CSMD1: variants seen among roughly 807,000 people sequenced by gnomAD.
CSMD1 encodes CUB and sushi domain-containing protein 1.
CSMD1 carries 213 observed loss-of-function variants against 417.5 expected under a neutral mutation model. The observed-to-expected ratio is 0.51, with a 90% CI of 0.46 to 0.57. The LOEUF (loss-of-function observed/expected upper bound fraction) is 0.57. CSMD1 is among the 20% of genes least tolerant of loss of function. The probability of loss-of-function intolerance (pLI) is 0.00; values close to 1 mark genes in which losing one functional copy is unlikely to be tolerated. For missense variants in CSMD1, 6,923 were observed against 4,529.7 expected (o/e 1.53, Z -15.17); for synonymous variants, 2,862 against 1,736.8 (o/e 1.65, Z -16.11).
At chr8:4,817,791 C>A (rs1159953664) in intron 1 of CSMD1, among the ~76,000 whole-genome samples, 1 of 152,102 alleles carries the variant, frequency 6.6e-6, no homozygotes, top group Non-Finnish European at 1.5e-5. Context: ...AGAAATACAC[C>A]ATCATGAGTG....
intron 1 of CSMD1, among the ~76,000 whole-genome samples, chr8:4,870,288 A>G (rs1394969663): frequency 1.3e-5 from 2 of 152,148 alleles, no homozygotes; most frequent in Non-Finnish European, 2.9e-5. Flanking sequence ...ATATATGGGT[A>G]AAAATTGGAA....
At chr8:3,790,444 A>T (rs1799673443) in intron 5 of CSMD1, among the ~76,000 whole-genome samples, 1 of 152,160 alleles carries the variant, frequency 6.6e-6, no homozygotes, top group Admixed American at 6.5e-5. Context: ...GATGGTGATG[A>T]TGACACGGTT....
At chr8:4,184,125 A>C (rs1251391703) in intron 3 of CSMD1, among the ~76,000 whole-genome samples, 2 of 152,224 alleles carry the variant, frequency 1.3e-5, no homozygotes, top group African/African-American at 4.8e-5. Flanking sequence ...AATTTCTAAA[A>C]CTTCATTAAA....
chr8:4,285,838 A>G (rs17335008), intron 3 of CSMD1, among the ~76,000 whole-genome samples: 17,295 of 152,222 alleles, frequency 0.11, 1,257 homozygotes, highest in Non-Finnish European at 0.16. Flanking sequence ...GTCCTTGGCT[A>G]TTTTAATCAG....
At chr8:3,986,174 C>T (rs1179848058) in intron 5 of CSMD1, among the ~76,000 whole-genome samples, 2 of 152,046 alleles carry the variant, frequency 1.3e-5, no homozygotes, top group African/African-American at 4.8e-5. Flanking sequence ...TCCAAAGAGC[C>T]CTTTTATTTT....
chr8:3,649,616 A>G (rs1329422284), intron 7 of CSMD1, among the ~76,000 whole-genome samples: 1 of 148,106 alleles, frequency 6.8e-6, no homozygotes, highest in Non-Finnish European at 1.5e-5. Context: ...ATGAGAACTT[A>G]CTCACCATCA....
At chr8:3,645,803 T>A (rs1797545009) in intron 7 of CSMD1, among the ~76,000 whole-genome samples, 1 of 152,166 alleles carries the variant, frequency 6.6e-6, no homozygotes, top group Non-Finnish European at 1.5e-5. Flanking sequence ...AAAACAAAGC[T>A]GTCTATTCAA....
intron 1 of CSMD1, among the ~76,000 whole-genome samples, chr8:4,832,688 A>C (rs1442776752): frequency 1.3e-5 from 2 of 152,216 alleles, no homozygotes; most frequent in Non-Finnish European, 2.9e-5. Context: ...GAAAACTCTC[A>C]GGTAAATGTA....
chr8:3,253,936 T>A (rs1037082992), intron 26 of CSMD1, among the ~76,000 whole-genome samples: 7 of 152,222 alleles, frequency 4.6e-5, no homozygotes, highest in Non-Finnish European at 7.3e-5. Flanking sequence ...GCTGGTTATT[T>A]TGCTCATTAG....
chr8:4,920,974 GAAA>G lies in CSMD1; in HGVS notation c.85+73355_85+73357del, dbSNP rs1160083229. ...AGAAAGAAAGAAAGAAAGAAAGAAA[GAAA>G]GAAACAAAGAAAGAAAGAAAAGAAA... is the stretch of plus-strand genomic sequence containing the variant. On this transcript the variant is annotated intron_variant, in intron 1 of 69. Transcript: ENST00000635120. Among the ~76,000 whole-genome samples, 45 of 25,936 alleles carry G rather than the reference GAAA, an allele frequency of 1.7e-3. 4 individuals are homozygous for G. Among genetic ancestry groups the G allele is most frequent in the African/African-American group, 6.6e-3 (42 of 6,372 alleles). 17.0% of individuals were successfully genotyped at this position (25,936 alleles called of 152,430 possible).
chr8:3,534,697 T>C (rs1798119152), intron 10 of CSMD1, among the ~76,000 whole-genome samples: 1 of 152,226 alleles, frequency 6.6e-6, no homozygotes, highest in South Asian at 2.1e-4. Flanking sequence ...TCCTTTTTCA[T>C]TCTTCTAGTC....
At chr8:3,163,777 G>C (rs1820043640) in intron 37 of CSMD1, among the ~76,000 whole-genome samples, 2 of 152,098 alleles carry the variant, frequency 1.3e-5, no homozygotes, top group Non-Finnish European at 2.9e-5. Flanking sequence ...GGAAACCCTG[G>C]GTCATCCCTG....
chr8:4,376,410 G>T (rs571451028), intron 3 of CSMD1, among the ~76,000 whole-genome samples: 1 of 152,172 alleles, frequency 6.6e-6, no homozygotes, highest in Admixed American at 6.5e-5. Context: ...ATTCTCTTGT[G>T]CATATTTTTT....
chr8:3,436,475 A>G (rs1814574264), intron 12 of CSMD1, among the ~76,000 whole-genome samples: 1 of 152,206 alleles, frequency 6.6e-6, no homozygotes, highest in Non-Finnish European at 1.5e-5. Flanking sequence ...CTGGCACACA[A>G]TATTCAGTGA....
intron 5 of CSMD1, among the ~76,000 whole-genome samples, chr8:3,816,054 C>A (rs1375676277): frequency 6.6e-6 from 1 of 152,144 alleles, no homozygotes; most frequent in Non-Finnish European, 1.5e-5. Context: ...TGGGTTGGTT[C>A]TGATGATGAC....
chr8:4,781,305 C>A (rs1396667330), intron 1 of CSMD1, among the ~76,000 whole-genome samples: 1 of 152,192 alleles, frequency 6.6e-6, no homozygotes, highest in Non-Finnish European at 1.5e-5. Flanking sequence ...CTCTCCCACA[C>A]AAAACACACG....
chr8:3,740,855 C>A (rs1333904087), intron 6 of CSMD1, among the ~76,000 whole-genome samples: 1 of 151,994 alleles, frequency 6.6e-6, no homozygotes, highest in Non-Finnish European at 1.5e-5. Context: ...GAGAGTATAG[C>A]AGAGAGGATG....
intron 9 of CSMD1, among the ~76,000 whole-genome samples, chr8:3,579,946 A>G (rs1800312360): frequency 6.6e-6 from 1 of 152,044 alleles, no homozygotes; most frequent in Admixed American, 6.6e-5. Flanking sequence ...TCTACGAAAC[A>G]TACAAAAATT....
intron 5 of CSMD1, among the ~76,000 whole-genome samples, chr8:3,899,633 G>A (rs970844649): frequency 6.6e-6 from 1 of 152,184 alleles, no homozygotes; most frequent in Non-Finnish European, 1.5e-5. Context: ...AGAGGAAAAG[G>A]TTTTGGAGGC....
Sources: gnomAD v4.1 joint callset for allele counts (sites outside exome capture counted in the v4.1 genomes callset) on GRCh38, gnomAD v4.1.1 for gene constraint, MANE v1.5 for transcripts, NCBI Gene and HGNC (gene_info 2026-07-23, HGNC 2026-07-21) for gene names.